Variants in POLA1 observed in about 807,000 individuals in gnomAD.
POLA1 encodes the protein DNA polymerase alpha catalytic subunit.
A neutral mutation model predicts 124.0 loss-of-function variants in POLA1; 15 were observed. The observed-to-expected ratio is 0.12, with a 90% CI of 0.08 to 0.19. The LOEUF (loss-of-function observed/expected upper bound fraction) is 0.19, where lower values mean the gene tolerates loss of function less well. Among genes scored for constraint, POLA1 ranks in the 10% least tolerant of loss-of-function variants. The probability of loss-of-function intolerance (pLI) is 1.00; values close to 1 mark genes in which losing one functional copy is unlikely to be tolerated. For synonymous variants in POLA1, 408 were observed against 389.4 expected (o/e 1.05, Z -0.56); for missense variants, 886 against 1,103.4 (o/e 0.80, Z 2.79).
At chrX:24,763,481 T>C (rs1406590170) in intron 26 of POLA1, among the ~76,000 whole-genome samples, 1 of 110,936 alleles carries the variant, frequency 9.0e-6, no homozygotes, top group African/African-American at 3.3e-5. Context: ...TGGGGAGTCA[T>C]TGGTTTATAG....
intron 31 of POLA1, among the ~76,000 whole-genome samples, chrX:24,825,735 C>G (rs931024501): frequency 1.8e-5 from 2 of 111,850 alleles, no homozygotes; most frequent in Non-Finnish European, 3.8e-5. Context: ...TCTTCCTTTT[C>G]TTGAGGAGGA....
At position 24,809,890 on chromosome X, in the gene POLA1, T is replaced by G; in HGVS notation, c.2965-8T>G. ...TAACTTATTAATCTTGACTTTTGTT[T>G]CATTTAGATTTTGATGCATACGAAA... is the stretch of plus-strand genomic sequence containing the variant. On this transcript the variant is annotated splice_polypyrimidine_tract_variant and splice_region_variant and intron_variant, in intron 26 of 36. Transcript: ENST00000379068. The G allele has an allele frequency of 9.4e-7, 1 of 1,063,753 alleles. No individual in the cohort carries two copies. Among genetic ancestry groups the G allele is most frequent in the Non-Finnish European group, 1.3e-6 (1 of 774,423 alleles). 87.7% of individuals were successfully genotyped at this position (1,063,753 alleles called of 1,213,427 possible).
In POLA1 at chrX:24,956,059, T is replaced by C. The variant is rs181115650; in HGVS notation, c.4261+25510T>C. Among the ~76,000 whole-genome samples, 311 of 102,469 alleles carry C rather than the reference T, an allele frequency of 3.0e-3. 4 individuals are homozygous for C. Among genetic ancestry groups the C allele is most frequent in the African/African-American group, 0.011 (303 of 28,737 alleles). 89.0% of individuals were successfully genotyped at this position (102,469 alleles called of 115,157 possible). On this transcript the variant is annotated intron_variant, in intron 36 of 36. Coordinates refer to ENST00000379068, the MANE Select transcript of POLA1 (RefSeq NM_001330360.2). ...AATCCCAGCCCACCCTCCCTTCAGC[T>C]GACGCAGAAGAGTCATTTGAGGCCA...
At chrX:24,937,763 G>GT (rs2047869920) in intron 36 of POLA1, among the ~76,000 whole-genome samples, 1 of 111,959 alleles carries the variant, frequency 8.9e-6, no homozygotes. Flanking sequence ...TCCTCCGCGT[G>GT]TTAAAGTTTC....
At chrX:24,787,875 C>T (rs916487120) in intron 26 of POLA1, among the ~76,000 whole-genome samples, 1 of 111,816 alleles carries the variant, frequency 8.9e-6, no homozygotes, top group Non-Finnish European at 1.9e-5. Context: ...CCAGCATTAA[C>T]CTGATATTAA....
At chrX:24,924,248 A>G (rs1184091272) in intron 35 of POLA1, among the ~76,000 whole-genome samples, 1 of 111,736 alleles carries the variant, frequency 8.9e-6, no homozygotes, top group Non-Finnish European at 1.9e-5. Context: ...TGCTTTTTGT[A>G]TGGTATCTTG....
rs755619783 is a variant in POLA1 at position 24,732,766 on chromosome X, TAG to T, written c.1771+314_1771+315del. Among the ~76,000 whole-genome samples, 3 of 110,533 alleles carry T rather than the reference TAG, an allele frequency of 2.7e-5. No homozygotes were observed. The East Asian group carries it at 8.5e-4, about 31-fold the overall frequency. On this transcript the variant is annotated intron_variant, in intron 16 of 36. Coordinates refer to ENST00000379068, the MANE Select transcript of POLA1 (RefSeq NM_001330360.2). Reference sequence around the variant, plus strand: ...GAGTAGTTTTTTCCTGGGTCAAAATTAGACTTTATTTTCTGATGTCATTCTAA... The same window carrying T: ...GAGTAGTTTTTTCCTGGGTCAAAATTACTTTATTTTCTGATGTCATTCTAA...
At position 24,706,878 on chromosome X, in the gene POLA1, G is replaced by A. The variant is rs11573318; in HGVS notation, c.346+2409G>A. ...TTTAAAACCTTTTAATTTTACTTCT[G>A]AATATTGTAAAACATATGATTTAAA... is the stretch of plus-strand genomic sequence containing the variant. On this transcript the variant is annotated intron_variant, in intron 4 of 36. Transcript: ENST00000379068. Among the ~76,000 whole-genome samples, 3 of 111,882 alleles carry A rather than the reference G, an allele frequency of 2.7e-5. No individual in the cohort carries two copies. In the South Asian group the frequency reaches 1.1e-3, roughly 41 times the overall value.
intron 31 of POLA1, among the ~76,000 whole-genome samples, chrX:24,823,063 A>G (rs1316398286): frequency 8.9e-6 from 1 of 111,974 alleles, no homozygotes; most frequent in African/African-American, 3.2e-5. Flanking sequence ...CCTTTTTCTC[A>G]GGTCTTATTG....
At chrX:24,836,450 C>T (rs2046342252) in intron 32 of POLA1, among the ~76,000 whole-genome samples, 1 of 112,029 alleles carries the variant, frequency 8.9e-6, no homozygotes, top group Admixed American at 9.4e-5. Flanking sequence ...TTTTCCAAAG[C>T]GGTTCTACTC....
chrX:24,726,883 C>G lies in POLA1; in HGVS notation c.1393-50C>G, dbSNP rs776588991. 4.0e-6 allele frequency: 4 copies of G among 1,012,638 alleles called. No individual in the cohort carries two copies. In the South Asian group the frequency reaches 7.0e-5, roughly 18 times the overall value. The allele number at this position is 1,012,638 out of a possible 1,213,427, so 83.5% of individuals were successfully genotyped here. A position where few individuals can be genotyped will look rare whatever the true frequency, so the allele number is the denominator to read the frequency against. On this transcript the variant is annotated intron_variant, in intron 13 of 36. Coordinates refer to ENST00000379068, the MANE Select transcript of POLA1 (RefSeq NM_001330360.2). ...TTTCAAATATAGACTTTGGAAAATG[C>G]AAAGTAATAGTTTTAAACAAAAAGA...
intron 26 of POLA1, among the ~76,000 whole-genome samples, chrX:24,784,678 T>C (rs2045331421): frequency 1.8e-5 from 2 of 111,163 alleles, no homozygotes; most frequent in African/African-American, 6.5e-5. Flanking sequence ...AACAAAACTC[T>C]GTCTCAAAAA....
chrX:24,742,033 G>A lies in POLA1; in HGVS notation c.2378G>A (p.Arg793His), dbSNP rs755291632. ...ACGCTGATGGGTGGACGATCCGAGCGTAACGAGTTCTTGTTGCTTCATGCA... is the reference window on the plus strand; with the variant it reads ...ACGCTGATGGGTGGACGATCCGAGCATAACGAGTTCTTGTTGCTTCATGCA... ...SRTLMGGRSE[R>H]NEFLLLHAFY... is the part of the protein sequence containing the mutation. The change falls in exon 22 of 37, where the codon CGT (arginine) becomes CAT (histidine). Residue 793 changes from arginine to histidine, a missense_variant. By Grantham distance (29) the Arg-to-His change is conservative (BLOSUM62 0). This residue lies in a region of POLA1 where 182 missense variants were observed against 252.8 expected (regional missense o/e 0.72). Transcript: ENST00000379068. 9 of 1,200,594 alleles carry A rather than the reference G, an allele frequency of 7.5e-6. No individual in the cohort carries two copies. The East Asian group carries it at 1.8e-4, about 24-fold the overall frequency.
chrX:24,995,961 G>C lies in POLA1; in HGVS notation c.*11G>C. On this transcript the variant is annotated 3_prime_UTR_variant, in exon 37 of 37. Transcript: ENST00000379068. ...GCCGTGAAATCCTAAGGGAATCCCA[G>C]GAGTAACCAAGGAGGGGGTAGTTGA... is the stretch of plus-strand genomic sequence containing the variant. 1 of 1,204,978 alleles carries C rather than the reference G, an allele frequency of 8.3e-7. No individual in the cohort carries two copies. The highest frequency in any genetic ancestry group is 1.1e-6 in the Non-Finnish European group (1 of 891,708).
intron 13 of POLA1, among the ~76,000 whole-genome samples, chrX:24,726,299 C>T (rs764868049): frequency 1.1e-4 from 12 of 111,935 alleles, no homozygotes; most frequent in Non-Finnish European, 1.7e-4. Flanking sequence ...TGAAACAGCA[C>T]GACTGTTTGT....
intron 32 of POLA1, among the ~76,000 whole-genome samples, chrX:24,838,676 C>T (rs1207101813): frequency 9.0e-6 from 1 of 110,922 alleles, no homozygotes; most frequent in African/African-American, 3.3e-5. Context: ...GGTGTAGATG[C>T]ATGTAGGGCA....
chrX:24,794,204 C>T, intron 26 of POLA1, among the ~76,000 whole-genome samples: 1 of 111,516 alleles, frequency 9.0e-6, no homozygotes, highest in Non-Finnish European at 1.9e-5. Flanking sequence ...GTCTCAAATT[C>T]CTGACCTCAA....
At chrX:24,787,353 C>T (rs1037936724) in intron 26 of POLA1, among the ~76,000 whole-genome samples, 3 of 111,465 alleles carry the variant, frequency 2.7e-5, no homozygotes, top group African/African-American at 9.8e-5. Flanking sequence ...TCCAGTCTTA[C>T]ATTTAAGTTT....
At chrX:24,978,330 A>G (rs890568713) in intron 36 of POLA1, among the ~76,000 whole-genome samples, 4 of 111,838 alleles carry the variant, frequency 3.6e-5, no homozygotes, top group Non-Finnish European at 7.5e-5. Context: ...TGAACGTTCA[A>G]AGGCCTCACA....
Sources: gnomAD v4.1 joint callset for allele counts (sites outside exome capture counted in the v4.1 genomes callset) on GRCh38, gnomAD v4.1.1 for gene constraint, gnomAD v4.1.1 regional missense constraint, MANE v1.5 for transcripts, NCBI Gene and HGNC (gene_info 2026-07-23, HGNC 2026-07-21) for gene names.